Variants in ADAM18 observed in about 807,000 individuals in gnomAD.
ADAM18 encodes disintegrin and metalloproteinase domain-containing protein 18.
A neutral mutation model predicts 94.4 loss-of-function variants in ADAM18; 117 were observed. That is an observed-to-expected ratio of 1.24 (90% CI 1.07 to 1.45). ADAM18 has a LOEUF of 1.45. ADAM18 is among the 40% of genes most tolerant of loss of function. ADAM18 has a pLI of 0.00. For missense variants in ADAM18, 936 were observed against 880.0 expected (o/e 1.06, Z -0.81); for synonymous variants, 327 against 291.6 (o/e 1.12, Z -1.24).
chr8:39,621,343 A>G, intron 6 of ADAM18, among the ~76,000 whole-genome samples: 1 of 150,940 alleles, frequency 6.6e-6, no homozygotes, highest in Non-Finnish European at 1.5e-5. Flanking sequence ...ACACACACAC[A>G]CACACACACA....
chr8:39,707,193 C>T (rs889599928), intron 18 of ADAM18, among the ~76,000 whole-genome samples: 1 of 152,198 alleles, frequency 6.6e-6, no homozygotes, highest in African/African-American at 2.4e-5. Flanking sequence ...GCCATGGCGT[C>T]TCCTTTGCAC....
At chr8:39,614,251 C>A (rs910380239) in intron 6 of ADAM18, among the ~76,000 whole-genome samples, 22 of 152,024 alleles carry the variant, frequency 1.4e-4, no homozygotes, top group Non-Finnish European at 1.6e-4. Context: ...CAAAGAACAC[C>A]CCATTAGGTG....
intron 18 of ADAM18, among the ~76,000 whole-genome samples, chr8:39,711,668 G>A (rs547337495): frequency 6.6e-6 from 1 of 152,112 alleles, no homozygotes; most frequent in South Asian, 2.1e-4. Context: ...GAAAAAAGAA[G>A]CAGTAAACTT....
chr8:39,726,160 T>C (rs530666925), intron 19 of ADAM18, among the ~76,000 whole-genome samples: 1 of 152,074 alleles, frequency 6.6e-6, no homozygotes, highest in South Asian at 2.1e-4. Flanking sequence ...ATACCTGTTA[T>C]TCAATTGTAT....
intron 14 of ADAM18, 37 bp from the exon 15 acceptor site, chr8:39,677,394 A>G: frequency 6.7e-7 from 1 of 1,493,726 alleles, no homozygotes; most frequent in Non-Finnish European, 9.2e-7. Flanking sequence ...AACTCATATT[A>G]AGAATGATAA....
At chr8:39,722,266 G>A (rs1323466259) in intron 18 of ADAM18, among the ~76,000 whole-genome samples, 1 of 118,844 alleles carries the variant, frequency 8.4e-6, no homozygotes, top group African/African-American at 3.3e-5. Flanking sequence ...TATATATGCC[G>A]TGTGTTTTTT....
At chr8:39,713,770 T>C (rs1822489398) in intron 18 of ADAM18, among the ~76,000 whole-genome samples, 1 of 151,902 alleles carries the variant, frequency 6.6e-6, no homozygotes, top group African/African-American at 2.4e-5. Flanking sequence ...AGAATGGCAA[T>C]CATTAAAAAG....
intron 12 of ADAM18, among the ~76,000 whole-genome samples, chr8:39,656,924 G>A (rs1378206573): frequency 6.6e-6 from 1 of 152,198 alleles, no homozygotes; most frequent in African/African-American, 2.4e-5. Context: ...TAGCTATTAG[G>A]CACTACTGTT....
rs1358365043 is a variant in ADAM18 at position 39,680,193 on chromosome 8, T to G, written c.1788T>G (p.Tyr596Ter). The G allele has an allele frequency of 3.1e-6, 5 of 1,613,584 alleles. No homozygotes were observed. The highest frequency in any genetic ancestry group is 4.2e-6 in the Non-Finnish European group (5 of 1,179,780). ...SMRSDGTDNA[Y>*]VADGTMCGPE... ...GATCAGATGGAACAGACAATGCCTA[T>G]GTGGCTGATGGCACCATGTGTGGTC... The change falls in exon 16 of 20, where the codon TAT (tyrosine) becomes TAG (stop). Residue 596 changes from tyrosine to a stop codon, truncating the protein, a stop_gained. Coordinates refer to ENST00000265707, the MANE Select transcript of ADAM18 (RefSeq NM_014237.3). LOFTEE classifies it high-confidence loss of function.
chr8:39,598,173 A>G (rs983002761), intron 2 of ADAM18, among the ~76,000 whole-genome samples: 1 of 151,672 alleles, frequency 6.6e-6, no homozygotes, highest in Non-Finnish European at 1.5e-5. Context: ...TTTTTCATCA[A>G]TCCTCTCAGA....
At chr8:39,588,230 T>TTTG (rs767166352) in intron 2 of ADAM18, among the ~76,000 whole-genome samples, 120 of 135,030 alleles carry the variant, frequency 8.9e-4, no homozygotes, top group East Asian at 4.1e-3. Flanking sequence ...GGGTGTGGGT[T>TTTG]TTTTTTTTTT....
chr8:39,710,090 T>C (rs548535443), intron 18 of ADAM18, among the ~76,000 whole-genome samples: 2 of 152,330 alleles, frequency 1.3e-5, no homozygotes, highest in South Asian at 2.1e-4. Context: ...CATGGGATGA[T>C]ACAGTTGTGT....
At position 39,680,139 on chromosome 8, in the gene ADAM18, T is replaced by A. The variant is rs763930989; in HGVS notation, c.1734T>A (p.Cys578Ter). The A allele has an allele frequency of 7.4e-6, 12 of 1,613,852 alleles. No homozygotes were observed. The highest frequency in any genetic ancestry group is 9.3e-6 in the Non-Finnish European group (11 of 1,179,860). Residue 578 changes from cysteine (C) to a stop codon, truncating the protein, a stop_gained, in exon 16 of 20, where the codon TGT (cysteine) becomes TGA (stop). Coordinates refer to ENST00000265707, the MANE Select transcript of ADAM18 (RefSeq NM_014237.3). LOFTEE classifies it high-confidence loss of function. ...TVYSYIQDHV[C>*]VSIATGSSMR... ...ATTCATATATTCAAGACCATGTATG[T>A]GTATCTATAGCCACTGGTTCCTCCA...
intron 17 of ADAM18, among the ~76,000 whole-genome samples, chr8:39,694,550 G>T (rs1016921781): frequency 6.6e-6 from 1 of 151,332 alleles, no homozygotes; most frequent in African/African-American, 2.4e-5. Flanking sequence ...TCAAGGTTAT[G>T]CTATTTTGGT....
At chr8:39,726,865 A>G (rs1448969843) in intron 19 of ADAM18, among the ~76,000 whole-genome samples, 1 of 152,194 alleles carries the variant, frequency 6.6e-6, no homozygotes, top group Non-Finnish European at 1.5e-5. Context: ...ACCATCTTAC[A>G]AAATCTTTCT....
At chr8:39,712,399 C>T (rs1822437536) in intron 18 of ADAM18, among the ~76,000 whole-genome samples, 1 of 152,166 alleles carries the variant, frequency 6.6e-6, no homozygotes, top group South Asian at 2.1e-4. Flanking sequence ...AGGATGCCCT[C>T]TCTCACCACT....
intron 17 of ADAM18, among the ~76,000 whole-genome samples, chr8:39,703,059 T>C (rs1200509077): frequency 6.6e-6 from 1 of 152,216 alleles, no homozygotes; most frequent in Non-Finnish European, 1.5e-5. Context: ...GTTGAATCTA[T>C]AAATAGCTTT....
chr8:39,695,009 C>T (rs1585988669), intron 17 of ADAM18, among the ~76,000 whole-genome samples: 1 of 151,522 alleles, frequency 6.6e-6, no homozygotes, highest in Admixed American at 6.6e-5. Flanking sequence ...TTTACTGTTT[C>T]TTAGTAATAT....
intron 12 of ADAM18, among the ~76,000 whole-genome samples, chr8:39,661,150 T>C (rs1232370023): frequency 1.5e-5 from 2 of 132,188 alleles, no homozygotes; most frequent in Non-Finnish European, 3.2e-5. Flanking sequence ...TGTTTCTTCT[T>C]CTTCTTTTTT....
Sources: allele counts gnomAD v4.1 joint callset (sites outside exome capture counted in the v4.1 genomes callset), GRCh38; gene constraint gnomAD v4.1.1; transcripts MANE v1.5; gene names NCBI Gene and HGNC (gene_info 2026-07-23, HGNC 2026-07-21).